The following KDELR1 variants were observed in gnomAD, a reference collection of about 807,000 sequenced individuals.
KDELR1 encodes the protein ER lumen protein-retaining receptor 1.
In KDELR1, 16 loss-of-function variants were observed where a neutral mutation model predicts 25.5. That is an observed-to-expected ratio of 0.63 (90% CI 0.43 to 0.95). The LOEUF (loss-of-function observed/expected upper bound fraction) is 0.95. KDELR1 is among the 40% of genes least tolerant of loss of function. The probability of loss-of-function intolerance (pLI) is 0.00; values close to 1 mark genes in which losing one functional copy is unlikely to be tolerated. For missense variants in KDELR1, 159 were observed against 265.2 expected (o/e 0.60, Z 2.78); for synonymous variants, 121 against 115.0 (o/e 1.05, Z -0.33).
At chr19:48,390,687 G>C (rs1354680192) in intron 1 of KDELR1, 163 bp from the exon 2 acceptor site, 12 of 584,748 alleles carry the variant, frequency 2.1e-5, no homozygotes. Context: ...CAGCTCTGGA[G>C]TGCAGCTGTC....
chr19:48,394,242 C>T (rs1970603577), upstream of KDELR1, among the ~76,000 whole-genome samples: 1 of 151,632 alleles, frequency 6.6e-6, no homozygotes, highest in Non-Finnish European at 1.5e-5. This position sits in a 1 kb window ranked among gnomAD's most constrained non-coding sequence, Gnocchi z 5.1. Context: ...AGGGGGAATC[C>T]CAGGGAAGTG....
upstream of KDELR1, among the ~76,000 whole-genome samples, chr19:48,393,825 C>T (rs1215716405): frequency 1.3e-5 from 2 of 152,040 alleles, no homozygotes; most frequent in Non-Finnish European, 2.9e-5. This position sits in a 1 kb window ranked among gnomAD's most constrained non-coding sequence, Gnocchi z 5.6. Flanking sequence ...CTGGGTAGGT[C>T]GGCCCGGCCC....
upstream of KDELR1, among the ~76,000 whole-genome samples, chr19:48,394,529 G>A (rs367733669): frequency 5.3e-5 from 8 of 149,958 alleles, no homozygotes; most frequent in African/African-American, 2.0e-4. The surrounding 1 kb of genome is among the most constrained non-coding windows in gnomAD (Gnocchi z 5.1). Flanking sequence ...CACATGGAAA[G>A]GGGGGAGGAG....
intron 2 of KDELR1, 64 bp downstream of exon 2, chr19:48,390,360 T>G: frequency 1.6e-6 from 2 of 1,217,676 alleles, no homozygotes; most frequent in Non-Finnish European, 2.4e-6. Context: ...GACCTAGGAG[T>G]CTGGGACCCA....
intron 3 of KDELR1, among the ~76,000 whole-genome samples, chr19:48,387,281 G>A (rs936473640): frequency 6.6e-6 from 1 of 152,024 alleles, no homozygotes; most frequent in African/African-American, 2.4e-5. Context: ...CTGGAGCCAA[G>A]CCCAGGATTC....
At chr19:48,389,405 A>T (rs1322378759) in intron 3 of KDELR1, 148 bp downstream of exon 3, 8 of 818,518 alleles carry the variant, frequency 9.8e-6, no homozygotes, top group Non-Finnish European at 1.4e-5. Context: ...ATTTCCTCTG[A>T]CCCCAGAGCC....
chr19:48,392,454 C>T (rs1970570133), upstream of KDELR1, among the ~76,000 whole-genome samples: 1 of 151,726 alleles, frequency 6.6e-6, no homozygotes, highest in Non-Finnish European at 1.5e-5. Flanking sequence ...CTCCCTCAGA[C>T]CCAGGAGTTC....
chr19:48,389,088 T>C (rs1334459073), intron 3 of KDELR1, among the ~76,000 whole-genome samples: 1 of 152,036 alleles, frequency 6.6e-6, no homozygotes, highest in Non-Finnish European at 1.5e-5. Flanking sequence ...CTGGTCAACA[T>C]GTGAAACCCT....
chr19:48,383,232 T>C lies in KDELR1; in HGVS notation c.*61A>G, dbSNP rs377327443. 1 of 1,520,388 alleles carries C rather than the reference T, an allele frequency of 6.6e-7. No homozygotes were observed. The highest frequency in any genetic ancestry group is 8.9e-7 in the Non-Finnish European group (1 of 1,120,750). 94.2% of individuals were successfully genotyped at this position (1,520,388 alleles called of 1,614,324 possible). A position where few individuals can be genotyped will look rare whatever the true frequency, so the allele number is the denominator to read the frequency against. ...CACCCCTGGATGGGAAAGCTCTTCATCTTCTGCCGCCTTCCTCTGCCTCCC... is the reference window on the plus strand; with the variant it reads ...CACCCCTGGATGGGAAAGCTCTTCACCTTCTGCCGCCTTCCTCTGCCTCCC... On this transcript the variant is annotated 3_prime_UTR_variant, in exon 5 of 5. Transcript: ENST00000330720.
intron 1 of KDELR1, 53 bp from the exon 2 acceptor site, chr19:48,390,577 G>GAGAGAGGGAGAGAGAC: frequency 1.0e-6 from 1 of 979,528 alleles, no homozygotes; most frequent in East Asian, 2.7e-5. Flanking sequence ...GAGAGAGAGA[G>GAGAGAGGGAGAGAGAC]AGACAGACAG....
At chr19:48,383,753 C>T (rs1007431785) in intron 4 of KDELR1, among the ~76,000 whole-genome samples, 2 of 152,072 alleles carry the variant, frequency 1.3e-5, no homozygotes, top group African/African-American at 4.8e-5. Flanking sequence ...AATCTCCCTG[C>T]CTCAGTCTCC....
Position 48,384,432 on chromosome 19 carries a change from C to T in KDELR1, c.402G>A (p.Gln134=). 2.5e-6 allele frequency: 4 copies of T among 1,613,770 alleles called. No individual in the cohort carries two copies. The highest frequency in any genetic ancestry group is 3.4e-6 in the Non-Finnish European group (4 of 1,179,868). The change falls in exon 4 of 5, where the codon CAG becomes CAA. Residue 134 remains glutamine (Q), a synonymous_variant. Transcript: ENST00000330720. The surrounding 1 kb of genome is among the most constrained non-coding windows in gnomAD (Gnocchi z 4.6). ...CGCCGGTCTTGCTCACCATGAACAGCTGCGGCAAGATGGCCACTGACTCCA... is the reference window on the plus strand; with the variant it reads ...CGCCGGTCTTGCTCACCATGAACAGTTGCGGCAAGATGGCCACTGACTCCA... ...IYLESVAILP[Q]LFMVSKTGEA... is the part of the protein sequence containing the mutation.
rs770937565 is a variant in KDELR1 at position 48,384,257 on chromosome 19, C to T, written c.577G>A (p.Asp193Asn). The stretch of plus-strand genomic sequence containing the variant: ...TTGGTGATATAGAGGTAGAAGAAAT[C>T]GCAGTAGAGGACTGTCTGGACCAGG... ...AGLVQTVLYCDFFYLYITKVL... is the reference protein window; with the variant it reads ...AGLVQTVLYCNFFYLYITKVL... The change falls in exon 4 of 5, where the codon GAT (aspartate) becomes AAT (asparagine). Residue 193 changes from aspartate (D) to asparagine (N), a missense_variant. Transcript: ENST00000330720. The surrounding 1 kb of genome is among the most constrained non-coding windows in gnomAD (Gnocchi z 4.6). The T allele has an allele frequency of 2.5e-6, 4 of 1,614,164 alleles. No individual in the cohort carries two copies. The highest frequency in any genetic ancestry group is 3.4e-6 in the Non-Finnish European group (4 of 1,180,030).
chr19:48,384,517 G>A lies in KDELR1; in HGVS notation c.352-35C>T, dbSNP rs1159911377. 2.5e-6 allele frequency: 4 copies of A among 1,596,202 alleles called. No individual in the cohort carries two copies. Among genetic ancestry groups the A allele is most frequent in the African/African-American group, 2.7e-5 (2 of 74,662 alleles). On this transcript the variant is annotated intron_variant, in intron 3 of 4. Transcript: ENST00000330720. This position sits in a 1 kb window ranked among gnomAD's most constrained non-coding sequence, Gnocchi z 4.6. ...GGCCGGGGACATGATGAGGTGGGAG[G>A]GGACAGGGCGGGAGAAAAGGCAGAG...
In KDELR1 at chr19:48,391,265, C is replaced by T. The variant is rs1449825090; in HGVS notation, c.91+3G>A. On this transcript the variant is annotated splice_donor_region_variant and intron_variant, in intron 1 of 4. Coordinates refer to ENST00000330720, the MANE Select transcript of KDELR1 (RefSeq NM_006801.3). ...CCTTCGCCAGCCCTGGTGGGCCTCT[C>T]ACCGGCGCACGAGCGGGACTTCCAG... 1 of 1,553,338 alleles carries T rather than the reference C, an allele frequency of 6.4e-7. No homozygotes were observed. The highest frequency in any genetic ancestry group is 1.4e-5 in the African/African-American group (1 of 73,314).
chr19:48,390,197 C>T, intron 2 of KDELR1: 1 of 453,228 alleles, frequency 2.2e-6, no homozygotes, highest in South Asian at 3.2e-5. Flanking sequence ...GCCCCTCCTC[C>T]CTCAGACCCA....
chr19:48,384,200 T>G lies in KDELR1; in HGVS notation c.604+30A>C. On this transcript the variant is annotated intron_variant, in intron 4 of 4. Coordinates refer to ENST00000330720, the MANE Select transcript of KDELR1 (RefSeq NM_006801.3). The surrounding 1 kb of genome is among the most constrained non-coding windows in gnomAD (Gnocchi z 4.6). ...GGCAGGAGCTGCAGAAATAGGAGGT[T>G]CCCTTCCAGCCGTCCCACATTCCAG... 6.2e-7 allele frequency: 1 copy of G among 1,610,530 alleles called. No homozygotes were observed. Among genetic ancestry groups the G allele is most frequent in the Non-Finnish European group, 8.5e-7 (1 of 1,177,220 alleles).
Position 48,384,604 on chromosome 19 carries a change from C to G in KDELR1, c.352-122G>C. 1 of 1,255,310 alleles carries G rather than the reference C, an allele frequency of 8.0e-7. No individual in the cohort carries two copies. Among genetic ancestry groups the G allele is most frequent in the Admixed American group, 2.2e-5 (1 of 45,414 alleles). The allele number at this position is 1,255,310 out of a possible 1,614,324, so 77.8% of individuals were successfully genotyped here. On this transcript the variant is annotated intron_variant, in intron 3 of 4. Transcript: ENST00000330720. The surrounding 1 kb of genome is among the most constrained non-coding windows in gnomAD (Gnocchi z 4.6). ...AGAAGGAAGGTGATCCAGGTGCTGC[C>G]AAGTGCCAGACACAGTTCTGCCCGA...
At chr19:48,389,400 C>T in intron 3 of KDELR1, 153 bp downstream of exon 3, 1 of 791,784 alleles carries the variant, frequency 1.3e-6, no homozygotes. Context: ...TGTTAATTTC[C>T]TCTGACCCCA....
Sources: gnomAD v4.1 joint callset for allele counts (sites outside exome capture counted in the v4.1 genomes callset) on GRCh38, gnomAD v4.1.1 for gene constraint, Gnocchi (gnomAD v3.1) non-coding constraint, MANE v1.5 for transcripts, NCBI Gene and HGNC (gene_info 2026-07-23, HGNC 2026-07-21) for gene names.